The following ZNF148 variants were observed in gnomAD, a reference collection of about 807,000 sequenced individuals.
ZNF148 encodes Beta-Enolase Repressor Factor-1.
In ZNF148, 7 loss-of-function variants were observed where a neutral mutation model predicts 67.7. That is an observed-to-expected ratio of 0.10 (90% CI 0.06 to 0.19). The LOEUF (loss-of-function observed/expected upper bound fraction) is 0.19. ZNF148 is among the 10% of genes least tolerant of loss of function. The pLI, the probability that ZNF148 is intolerant of heterozygous loss-of-function variation, is 1.00. For synonymous variants in ZNF148, 333 were observed against 330.7 expected (o/e 1.01, Z -0.08); for missense variants, 583 against 947.1 (o/e 0.62, Z 5.05).
intron 4 of ZNF148, among the ~76,000 whole-genome samples, chr3:125,298,513 AT>A (rs1266461918): frequency 6.6e-6 from 1 of 152,132 alleles, no homozygotes; most frequent in Admixed American, 6.6e-5. Flanking sequence ...TAACATGGAA[AT>A]CTCCACAAGA....
At chr3:125,296,308 G>A (rs551199217) in intron 4 of ZNF148, among the ~76,000 whole-genome samples, 34 of 152,188 alleles carry the variant, frequency 2.2e-4, no homozygotes, top group Admixed American at 3.3e-4. Flanking sequence ...ATTTTTAGTA[G>A]AGACAGGGTT....
At position 125,227,760 on chromosome 3, in the gene ZNF148, C is replaced by G. The variant is rs1456628157; in HGVS notation, c.*4581G>C. ...AAGCATACATTACATATAAAAGATA[C>G]CAGTGTACTAAAAAGTGACAGAAGT... is the stretch of plus-strand genomic sequence containing the variant. On this transcript the variant is annotated 3_prime_UTR_variant, in exon 9 of 9. Transcript: ENST00000360647. 2 of 152,498 alleles carry G rather than the reference C, an allele frequency of 1.3e-5. No homozygotes were observed. The highest frequency in any genetic ancestry group is 2.9e-5 in the Non-Finnish European group (2 of 67,986). 9.4% of individuals were successfully genotyped at this position (152,498 alleles called of 1,614,324 possible).
rs538458511 is a variant in ZNF148, at chr3:125,368,320, A to G, written c.-234+6782T>C. 2.0e-5 allele frequency among the ~76,000 whole-genome samples: 3 copies of G among 152,334 alleles called. No homozygotes were observed. In the South Asian group the frequency reaches 6.2e-4, roughly 32 times the overall value. On this transcript the variant is annotated intron_variant, in intron 1 of 8. Coordinates refer to ENST00000360647, the MANE Select transcript of ZNF148 (RefSeq NM_021964.3). ...AAATAAGTTACTTTGGAAGGCTACC[A>G]CTTACTCATTTATTCACTCCATCCA...
chr3:125,329,621 G>A (rs984588813), intron 2 of ZNF148, among the ~76,000 whole-genome samples: 27 of 151,774 alleles, frequency 1.8e-4, no homozygotes, highest in African/African-American at 6.3e-4. Flanking sequence ...GCCTCCCAAA[G>A]TGCTGGGATT....
intron 2 of ZNF148, among the ~76,000 whole-genome samples, chr3:125,327,566 A>AC (rs1648800749): frequency 6.6e-6 from 1 of 152,204 alleles, no homozygotes; most frequent in Non-Finnish European, 1.5e-5. Context: ...CATGCCTGTA[A>AC]CCCCAGCACT....
At chr3:125,269,927 T>C (rs927140601) in intron 7 of ZNF148, among the ~76,000 whole-genome samples, 2 of 151,366 alleles carry the variant, frequency 1.3e-5, no homozygotes, top group Non-Finnish European at 2.9e-5. Flanking sequence ...ACGTAAAAAA[T>C]GGGAACAATA....
rs1172438990 is a variant in ZNF148 at position 125,232,508 on chromosome 3, A to G, written c.2218T>C (p.Ser740Pro). 6.2e-7 allele frequency: 1 copy of G among 1,613,552 alleles called. No homozygotes were observed. Among genetic ancestry groups the G allele is most frequent in the East Asian group, 2.2e-5 (1 of 44,878 alleles). The change falls in exon 9 of 9, where the codon TCA (serine) becomes CCA (proline). Residue 740 changes from serine (S) to proline (P), a missense_variant. By Grantham distance (74) the Ser-to-Pro change is moderately conservative. Coordinates refer to ENST00000360647, the MANE Select transcript of ZNF148 (RefSeq NM_021964.3). This position sits in a 1 kb window ranked among gnomAD's most constrained non-coding sequence, Gnocchi z 4.2. ...EQPFRAPYHG[S>P]RAGIATQFST... ...AATTGAGTAGCTATTCCAGCTCTTGATCCATGATAGGGAGCACGGAAGGGC... is the reference window on the plus strand; with the variant it reads ...AATTGAGTAGCTATTCCAGCTCTTGGTCCATGATAGGGAGCACGGAAGGGC...
chr3:125,233,268 T>G lies in ZNF148; in HGVS notation c.1458A>C (p.Glu486Asp), dbSNP rs1180562892. Residue 486 changes from glutamate (E) to aspartate (D), a missense_variant, in exon 9 of 9, where the codon GAA (glutamate) becomes GAC (aspartate). By Grantham distance (45) the Glu-to-Asp change is conservative. This residue lies in a region of ZNF148 where 172 missense variants were observed against 307.7 expected (regional missense o/e 0.56). Coordinates refer to ENST00000360647, the MANE Select transcript of ZNF148 (RefSeq NM_021964.3). The surrounding 1 kb of genome is among the most constrained non-coding windows in gnomAD (Gnocchi z 5.1). ...CTATGGTACCCACATTCAGCGCATA[T>G]TCCCTGCTGTTGTTACTTGCTGCTT... ...YLQAASNNSR[E>D]YALNVGTIAS... The G allele has an allele frequency of 6.2e-7, 1 of 1,613,802 alleles. No individual in the cohort carries two copies. Among genetic ancestry groups the G allele is most frequent in the Non-Finnish European group, 8.5e-7 (1 of 1,179,908 alleles).
In ZNF148 at chr3:125,232,684, C is replaced by G. The variant is rs771092279; in HGVS notation, c.2042G>C (p.Gly681Ala). The G allele has an allele frequency of 6.2e-7, 1 of 1,613,834 alleles. No individual in the cohort carries two copies. Among genetic ancestry groups the G allele is most frequent in the Non-Finnish European group, 8.5e-7 (1 of 1,179,790 alleles). Reference protein sequence around the residue: ...PDKSHFGLIVGDSQHSFPFSG... With the variant: ...PDKSHFGLIVADSQHSFPFSG... ...AAAGGGAAATGAGTGCTGTGAATCA[C>G]CAACTATTAGTCCAAAGTGGGACTT... The change falls in exon 9 of 9, where the codon GGT becomes GCT. Residue 681 changes from glycine to alanine, a missense_variant. Coordinates refer to ENST00000360647, the MANE Select transcript of ZNF148 (RefSeq NM_021964.3). The surrounding 1 kb of genome is among the most constrained non-coding windows in gnomAD (Gnocchi z 4.2).
chr3:125,266,251 C>T (rs912706405), intron 7 of ZNF148, among the ~76,000 whole-genome samples: 1 of 151,812 alleles, frequency 6.6e-6, no homozygotes, highest in Admixed American at 6.6e-5. Context: ...TATACTCTAC[C>T]CAACAACCAT....
At chr3:125,305,760 C>T (rs551922515) in intron 4 of ZNF148, among the ~76,000 whole-genome samples, 2 of 150,670 alleles carry the variant, frequency 1.3e-5, no homozygotes, top group East Asian at 3.9e-4. Context: ...CTACATTAAG[C>T]CATGATCACA....
At chr3:125,239,039 G>A (rs768049054) in intron 7 of ZNF148, among the ~76,000 whole-genome samples, 8 of 152,206 alleles carry the variant, frequency 5.3e-5, no homozygotes, top group Non-Finnish European at 1.2e-4. Flanking sequence ...CTGCTTATAT[G>A]CGGTATCTAG....
intron 7 of ZNF148, among the ~76,000 whole-genome samples, chr3:125,254,781 G>A (rs994871396): frequency 1.1e-4 from 16 of 151,760 alleles, no homozygotes; most frequent in African/African-American, 3.6e-4. Context: ...ATACGGTTCT[G>A]TTTTGATATG....
intron 7 of ZNF148, among the ~76,000 whole-genome samples, chr3:125,275,899 G>A (rs1301257479): frequency 6.6e-6 from 1 of 152,160 alleles, no homozygotes; most frequent in East Asian, 1.9e-4. Context: ...TGGCTTTTCT[G>A]TGACACCTGC....
intron 1 of ZNF148, among the ~76,000 whole-genome samples, chr3:125,366,564 AG>A (rs1260603798): frequency 1.3e-5 from 2 of 152,206 alleles, no homozygotes; most frequent in Non-Finnish European, 2.9e-5. Context: ...CAAACAAAAT[AG>A]ATAACATCCA....
intron 2 of ZNF148, among the ~76,000 whole-genome samples, chr3:125,326,706 ATATC>A (rs1339422993): frequency 6.8e-6 from 1 of 147,728 alleles, no homozygotes; most frequent in African/African-American, 2.5e-5. Flanking sequence ...ATATGTATAT[ATATC>A]TTTTTATATA....
At chr3:125,367,709 A>G (rs1942744180) in intron 1 of ZNF148, among the ~76,000 whole-genome samples, 1 of 152,232 alleles carries the variant, frequency 6.6e-6, no homozygotes, top group Non-Finnish European at 1.5e-5. Flanking sequence ...TCTATTCCGT[A>G]ATTCAGAAAG....
At chr3:125,302,227 C>A (rs1390411406) in intron 4 of ZNF148, among the ~76,000 whole-genome samples, 3 of 150,424 alleles carry the variant, frequency 2.0e-5, no homozygotes, top group Non-Finnish European at 3.0e-5. Context: ...AAATTGTGAA[C>A]ATTAGCCAGG....
chr3:125,326,323 TG>T (rs1941015527), intron 2 of ZNF148, among the ~76,000 whole-genome samples: 1 of 152,112 alleles, frequency 6.6e-6, no homozygotes, highest in Non-Finnish European at 1.5e-5. Flanking sequence ...ATCACGACAC[TG>T]TACTACTGGG....
Sources: allele counts gnomAD v4.1 joint callset (sites outside exome capture counted in the v4.1 genomes callset), GRCh38; gene constraint gnomAD v4.1.1; regional missense constraint gnomAD v4.1.1; non-coding constraint Gnocchi (gnomAD v3.1); transcripts MANE v1.5; gene names NCBI Gene and HGNC (gene_info 2026-07-23, HGNC 2026-07-21).